Variants in EDN1 observed in about 807,000 individuals in gnomAD.
The protein encoded by EDN1 is endothelin-1.
EDN1 carries 11 observed loss-of-function variants against 21.7 expected under a neutral mutation model. That is an observed-to-expected ratio of 0.51 (90% CI 0.32 to 0.84). The LOEUF (loss-of-function observed/expected upper bound fraction) is 0.84, where lower values mean the gene tolerates loss of function less well. Ranked by LOEUF, EDN1 falls within the 40% of genes least tolerant of loss-of-function variation. EDN1 has a pLI of 0.03. For synonymous variants in EDN1, 85 were observed against 90.6 expected (o/e 0.94, Z 0.35); for missense variants, 244 against 262.3 (o/e 0.93, Z 0.48).
chr6:12,243,538 G>A, the EDN1 span, among the ~76,000 whole-genome samples: 1 of 152,176 alleles, frequency 6.6e-6, no homozygotes, highest in South Asian at 2.1e-4. Flanking sequence ...TCCAAGCATG[G>A]TTAACAAGTC....
In EDN1 at chr6:12,292,343, G is replaced by A. The variant is rs780775953; in HGVS notation, c.67G>A (p.Val23Ile). Residue 23 changes from valine to isoleucine, a missense_variant and splice_region_variant, in exon 2 of 5, where the codon GTC becomes ATC. By Grantham distance (29) the Val-to-Ile change is conservative (BLOSUM62 3). Coordinates refer to ENST00000379375, the MANE Select transcript of EDN1 (RefSeq NM_001955.5). ...VACQGAPETA[V>I]LGAELSAVGE... ...TGACCTGCTCTTTCTCTCCCCAGCA[G>A]TCTTAGGCGCTGAGCTCAGCGCGGT... 15 of 1,613,850 alleles carry A rather than the reference G, an allele frequency of 9.3e-6. No individual in the cohort carries two copies. Among genetic ancestry groups the A allele is most frequent in the Non-Finnish European group, 1.3e-5 (15 of 1,180,028 alleles).
the EDN1 span, among the ~76,000 whole-genome samples, chr6:12,262,617 A>G: frequency 6.6e-6 from 1 of 152,216 alleles, no homozygotes; most frequent in Non-Finnish European, 1.5e-5. Flanking sequence ...CATGCCTGTA[A>G]TCCCAGCACT....
chr6:12,295,792 C>G (rs559048730), intron 4 of EDN1, among the ~76,000 whole-genome samples, 170 bp from the exon 5 acceptor site: 1 of 152,278 alleles, frequency 6.6e-6, no homozygotes, highest in Admixed American at 6.5e-5. Context: ...TTTATTTTTA[C>G]AATGGTAATA....
At chr6:12,254,690 T>C in the EDN1 span, among the ~76,000 whole-genome samples, 1 of 152,070 alleles carries the variant, frequency 6.6e-6, no homozygotes, top group Non-Finnish European at 1.5e-5. Context: ...AATCAGAAAG[T>C]AGAAAAATTG....
Position 12,292,443 on chromosome 6 carries a change from C to G in EDN1, c.167C>G (p.Ser56Trp), listed in dbSNP as rs573471977. 3 of 1,614,120 alleles carry G rather than the reference C, an allele frequency of 1.9e-6. No individual in the cohort carries two copies. The highest frequency in any genetic ancestry group is 2.2e-5 in the East Asian group (1 of 44,890). ...CGCCGGTCCAAGCGCTGCTCCTGCTCGTCCCTGATGGATAAAGAGTGTGTC... is the reference window on the plus strand; with the variant it reads ...CGCCGGTCCAAGCGCTGCTCCTGCTGGTCCCTGATGGATAAAGAGTGTGTC... ...RLRRSKRCSCSSLMDKECVYF... is the reference protein window; with the variant it reads ...RLRRSKRCSCWSLMDKECVYF... The change falls in exon 2 of 5, where the codon TCG becomes TGG. Residue 56 changes from serine (S) to tryptophan (W), a missense_variant. By Grantham distance (177) the Ser-to-Trp change is radical. Coordinates refer to ENST00000379375, the MANE Select transcript of EDN1 (RefSeq NM_001955.5).
At chr6:12,236,552 G>A in the EDN1 span, among the ~76,000 whole-genome samples, 4 of 152,166 alleles carry the variant, frequency 2.6e-5, no homozygotes, top group Admixed American at 6.5e-5. Context: ...GAGCCACCGT[G>A]CCTGGCCCTG....
intron 4 of EDN1, 126 bp from the exon 5 acceptor site, chr6:12,295,836 C>T (rs575868885): frequency 1.4e-5 from 11 of 813,064 alleles, no homozygotes; most frequent in South Asian, 6.0e-5. Context: ...AGAGTTGCGG[C>T]GGGTGGTGAA....
chr6:12,267,182 A>G, the EDN1 span, among the ~76,000 whole-genome samples: 1 of 152,078 alleles, frequency 6.6e-6, no homozygotes, highest in Non-Finnish European at 1.5e-5. Context: ...CATTTTTCCA[A>G]CAGAAGTGCT....
chr6:12,240,305 C>T, the EDN1 span, among the ~76,000 whole-genome samples: 3 of 152,276 alleles, frequency 2.0e-5, no homozygotes, highest in African/African-American at 4.8e-5. Context: ...AACCCACAGG[C>T]GGCAGTGAAT....
At chr6:12,273,604 C>CTTTT in the EDN1 span, among the ~76,000 whole-genome samples, 17 of 83,334 alleles carry the variant, frequency 2.0e-4, no homozygotes, top group African/African-American at 5.1e-4. Flanking sequence ...GTAGGCAGGA[C>CTTTT]TTTTTTTTTT....
intron 1 of EDN1, among the ~76,000 whole-genome samples, 187 bp from the exon 2 acceptor site, chr6:12,292,154 C>A (rs1036268963): frequency 1.2e-4 from 18 of 147,228 alleles, no homozygotes; most frequent in Admixed American, 1.2e-3. Flanking sequence ...GAGGGGGAGG[C>A]AAAAGGTGAA....
At chr6:12,267,071 C>A in the EDN1 span, among the ~76,000 whole-genome samples, 3 of 152,202 alleles carry the variant, frequency 2.0e-5, no homozygotes, top group South Asian at 6.2e-4. Context: ...TGCAGGTATA[C>A]CTCATTTTAT....
chr6:12,276,932 C>T, the EDN1 span, among the ~76,000 whole-genome samples: 1 of 152,152 alleles, frequency 6.6e-6, no homozygotes, highest in African/African-American at 2.4e-5. Flanking sequence ...TGAATATAGA[C>T]ATATGATTAT....
chr6:12,241,799 G>T, the EDN1 span, among the ~76,000 whole-genome samples: 1 of 152,102 alleles, frequency 6.6e-6, no homozygotes, highest in Admixed American at 6.6e-5. Context: ...TCTCTAGTAG[G>T]TGGTTTATCT....
chr6:12,254,027 T>G, the EDN1 span, among the ~76,000 whole-genome samples: 1 of 152,252 alleles, frequency 6.6e-6, no homozygotes, highest in East Asian at 1.9e-4. Context: ...CTGCTTGTTT[T>G]CATCAAATCT....
chr6:12,289,752 C>T (rs1388450822), upstream of EDN1, among the ~76,000 whole-genome samples: 1 of 152,094 alleles, frequency 6.6e-6, no homozygotes, highest in African/African-American at 2.4e-5. Context: ...CTTGCCAATC[C>T]CTCACGGATC....
the EDN1 span, among the ~76,000 whole-genome samples, chr6:12,246,645 G>A: frequency 4.8e-5 from 3 of 62,018 alleles, no homozygotes; most frequent in South Asian, 9.7e-4. Context: ...TTGTATAATC[G>A]TTTGCCTTTT....
the EDN1 span, among the ~76,000 whole-genome samples, chr6:12,230,760 T>C: frequency 6.6e-6 from 1 of 152,164 alleles, no homozygotes; most frequent in African/African-American, 2.4e-5. Context: ...ATATTGATTT[T>C]GAGGTTACAA....
At position 12,290,596 on chromosome 6, in the gene EDN1, T is replaced by G; in HGVS notation, c.-34T>G. 6.3e-7 allele frequency: 1 copy of G among 1,597,692 alleles called. No individual in the cohort carries two copies. Among genetic ancestry groups the G allele is most frequent in the Non-Finnish European group, 8.6e-7 (1 of 1,165,096 alleles). ...TTCTTCGTTTTCCTTTGGGTTCAGTTTGAACGGGAGGTTTTTGATCCCTTT... is the reference window on the plus strand; with the variant it reads ...TTCTTCGTTTTCCTTTGGGTTCAGTGTGAACGGGAGGTTTTTGATCCCTTT... On this transcript the variant is annotated 5_prime_UTR_variant, in exon 1 of 5. Coordinates refer to ENST00000379375, the MANE Select transcript of EDN1 (RefSeq NM_001955.5).
Sources: allele counts gnomAD v4.1 joint callset (sites outside exome capture counted in the v4.1 genomes callset), GRCh38; gene constraint gnomAD v4.1.1; transcripts MANE v1.5; gene names NCBI Gene and HGNC (gene_info 2026-07-23, HGNC 2026-07-21).